Variants in SORBS2 observed in about 807,000 individuals in gnomAD.
SORBS2 encodes the protein sorbin and SH3 domain containing 2.
Under a neutral mutation model 97.7 loss-of-function variants are expected in SORBS2, and 46 were observed. The ratio of observed to expected loss-of-function variants is 0.47; its 90% CI spans 0.37 to 0.60. SORBS2 has a LOEUF of 0.60. Ranked by LOEUF, SORBS2 falls within the 20% of genes least tolerant of loss-of-function variation. The pLI is 0.00. For synonymous variants in SORBS2, 476 were observed against 473.4 expected (o/e 1.01, Z -0.07); for missense variants, 1,316 against 1,282.3 (o/e 1.03, Z -0.40).
intron 12 of SORBS2, among the ~76,000 whole-genome samples, chr4:185,597,922 T>A (rs1007666431): frequency 3.7e-4 from 56 of 152,230 alleles, no homozygotes; most frequent in Non-Finnish European, 1.5e-4. Flanking sequence ...AGTCATCTGT[T>A]TTCCTAACCA....
intron 12 of SORBS2, among the ~76,000 whole-genome samples, chr4:185,600,049 C>T (rs575785475): frequency 3.9e-5 from 6 of 152,226 alleles, no homozygotes; most frequent in Non-Finnish European, 8.8e-5. Flanking sequence ...TCGCTTTTTA[C>T]GTCAGCCTGG....
chr4:185,795,018 A>T (rs992228826), intron 1 of SORBS2, among the ~76,000 whole-genome samples: 1 of 152,152 alleles, frequency 6.6e-6, no homozygotes, highest in African/African-American at 2.4e-5. Context: ...GTGTTCACAG[A>T]TGATGCCTAA....
At chr4:185,656,472 T>A in intron 1 of SORBS2, 2 of 373,750 alleles carry the variant, frequency 5.4e-6, no homozygotes, top group Non-Finnish European at 9.7e-6. Flanking sequence ...CTCTTTCCCA[T>A]TCTTTGCCTC....
chr4:185,644,020 T>C (rs958093712), intron 4 of SORBS2, among the ~76,000 whole-genome samples: 2 of 152,150 alleles, frequency 1.3e-5, no homozygotes, highest in Non-Finnish European at 2.9e-5. Flanking sequence ...GTTTTCTAAT[T>C]TATAGAGGCA....
At chr4:185,870,296 C>T (rs1005873162) in intron 1 of SORBS2, among the ~76,000 whole-genome samples, 1 of 152,168 alleles carries the variant, frequency 6.6e-6, no homozygotes, top group African/African-American at 2.4e-5. Flanking sequence ...CTTCAGGAGA[C>T]GAGACACTGC....
At chr4:185,769,647 T>C (rs2098957831) in intron 2 of SORBS2, among the ~76,000 whole-genome samples, 1 of 151,902 alleles carries the variant, frequency 6.6e-6, no homozygotes, top group African/African-American at 2.4e-5. Flanking sequence ...TGCACCACCA[T>C]GCCCGGCTAA....
chr4:185,777,417 GT>G (rs140178684), intron 1 of SORBS2, among the ~76,000 whole-genome samples: 5,766 of 152,090 alleles, frequency 0.038, 167 homozygotes, highest in Non-Finnish European at 0.057. Flanking sequence ...TTTTTTAATT[GT>G]TTTTTTCTTT....
chr4:185,952,052 G>GTGATAGAA (rs2099277471), intron 1 of SORBS2, among the ~76,000 whole-genome samples: 1 of 142,358 alleles, frequency 7.0e-6, no homozygotes, highest in African/African-American at 2.6e-5. Context: ...TTTTGATAGA[G>GTGATAGAA]TCTCACTCTG....
intron 1 of SORBS2, among the ~76,000 whole-genome samples, chr4:185,797,813 C>T (rs1342296507): frequency 6.6e-6 from 1 of 152,170 alleles, no homozygotes; most frequent in African/African-American, 2.4e-5. Context: ...TCCTACATTC[C>T]AGACGCACCA....
chr4:185,764,668 A>G (rs2098923832), intron 2 of SORBS2, among the ~76,000 whole-genome samples: 1 of 152,300 alleles, frequency 6.6e-6, no homozygotes, highest in South Asian at 2.1e-4. Context: ...AGATATTTAC[A>G]ATTTACTTCC....
intron 1 of SORBS2, among the ~76,000 whole-genome samples, chr4:185,938,432 C>A (rs1337405001): frequency 1.1e-5 from 1 of 93,006 alleles, no homozygotes; most frequent in Non-Finnish European, 2.4e-5. Flanking sequence ...ACACACACAC[C>A]CTTTTATTCT....
rs939082630 is a variant in SORBS2 at position 185,623,150 on chromosome 4, A to G, written c.1979T>C (p.Ile660Thr). 6.2e-7 allele frequency: 1 copy of G among 1,614,142 alleles called. No homozygotes were observed. The highest frequency in any genetic ancestry group is 8.5e-7 in the Non-Finnish European group (1 of 1,180,038). Residue 660 changes from isoleucine to threonine, a missense_variant, in exon 7 of 15, where the codon ATC (isoleucine) becomes ACC (threonine). Coordinates refer to ENST00000418609, the Ensembl canonical transcript of SORBS2. This position sits in a 1 kb window ranked among gnomAD's most constrained non-coding sequence, Gnocchi z 6.4. Reference sequence around the variant, plus strand: ...CAGCTCACTGATGAGGCGGTGCAGGATGCTGTTGTCCGGCAAGCTCCCCCT... The same window carrying G: ...CAGCTCACTGATGAGGCGGTGCAGGGTGCTGTTGTCCGGCAAGCTCCCCCT...
At chr4:185,799,030 C>T (rs1291008980) in intron 1 of SORBS2, among the ~76,000 whole-genome samples, 1 of 152,150 alleles carries the variant, frequency 6.6e-6, no homozygotes, top group East Asian at 1.9e-4. Flanking sequence ...AAGAAAGTAA[C>T]ATAAATGTAC....
intron 2 of SORBS2, among the ~76,000 whole-genome samples, chr4:185,729,654 G>A (rs2098598203): frequency 6.6e-6 from 1 of 152,252 alleles, no homozygotes; most frequent in Admixed American, 6.5e-5. Context: ...TTTCCTGGGG[G>A]AGTGCTTCAT....
At chr4:185,616,830 C>A (rs911311351) in intron 9 of SORBS2, among the ~76,000 whole-genome samples, 3 of 152,146 alleles carry the variant, frequency 2.0e-5, no homozygotes, top group South Asian at 2.1e-4. Flanking sequence ...CTCACTGCAA[C>A]CTTCACCTCC....
At chr4:185,947,273 C>T (rs1561328238) in intron 1 of SORBS2, among the ~76,000 whole-genome samples, 1 of 152,224 alleles carries the variant, frequency 6.6e-6, no homozygotes, top group Non-Finnish European at 1.5e-5. Context: ...TCAGGGAAAT[C>T]TCACAATCCT....
chr4:185,623,346 C>T lies in SORBS2; in HGVS notation c.1783G>A (p.Asp595Asn). 6.2e-7 allele frequency: 1 copy of T among 1,613,916 alleles called. No homozygotes were observed. Among genetic ancestry groups the T allele is most frequent in the Non-Finnish European group, 8.5e-7 (1 of 1,180,028 alleles). ...AAAGCAAGTTTAGAAAGGCCAGGGTCCATTTCTTGCCTTCTGGGCTCCTCG... is the reference window on the plus strand; with the variant it reads ...AAAGCAAGTTTAGAAAGGCCAGGGTTCATTTCTTGCCTTCTGGGCTCCTCG... The change falls in exon 7 of 15, where the codon GAC (aspartate) becomes AAC (asparagine). Residue 595 changes from aspartate to asparagine, a missense_variant. By Grantham distance (23) the Asp-to-Asn change is conservative. Transcript: ENST00000418609. The surrounding 1 kb of genome is among the most constrained non-coding windows in gnomAD (Gnocchi z 6.4).
At chr4:185,585,750 G>T (rs1420309812) in exon 15 of SORBS2, 1 of 152,218 alleles carries the variant, frequency 6.6e-6, no homozygotes, top group African/African-American at 2.4e-5. Context: ...TATCAGCAAA[G>T]CTGCATGCAG....
At position 185,623,105 on chromosome 4, in the gene SORBS2, C is replaced by A. The variant is rs1743978573; in HGVS notation, c.2024G>T (p.Arg675Met). 1.2e-6 allele frequency: 2 copies of A among 1,614,020 alleles called. No individual in the cohort carries two copies. The highest frequency in any genetic ancestry group is 1.7e-5 in the Admixed American group (1 of 60,008). The change falls in exon 7 of 15, where the codon AGG becomes ATG. Residue 675 changes from arginine to methionine, a missense_variant. Physicochemically the swap from Arg to Met is moderately conservative, Grantham distance 91. Coordinates refer to ENST00000418609, the Ensembl canonical transcript of SORBS2. The surrounding 1 kb of genome is among the most constrained non-coding windows in gnomAD (Gnocchi z 6.4). ...CCTCAGCGCTCTCAGGGATGAGTTC[C>A]TCTCGGGAACATCTGGCAGCAGCTC...
Sources: gnomAD v4.1 joint callset for allele counts (sites outside exome capture counted in the v4.1 genomes callset) on GRCh38, gnomAD v4.1.1 for gene constraint, Gnocchi (gnomAD v3.1) non-coding constraint, MANE v1.5 for transcripts, NCBI Gene and HGNC (gene_info 2026-07-23, HGNC 2026-07-21) for gene names.